The following TENM4 variants were observed in gnomAD, a reference collection of about 807,000 sequenced individuals.
The protein encoded by TENM4 is teneurin transmembrane protein 4.
In TENM4, 82 loss-of-function variants were observed where a neutral mutation model predicts 243.3. That is an observed-to-expected ratio of 0.34 (90% CI 0.28 to 0.40). TENM4 has a LOEUF of 0.40. Ranked by LOEUF, TENM4 falls within the 10% of genes least tolerant of loss-of-function variation. TENM4 has a pLI of 1.00. For missense variants in TENM4, 3,138 were observed against 3,673.3 expected, an observed-to-expected ratio of 0.85 and a Z score of 3.77; for synonymous variants, 1,412 against 1,456.3, an observed-to-expected ratio of 0.97 and a Z score of 0.69.
rs1199883938 is a variant in TENM4 at position 79,245,938 on chromosome 11, T to TAAAAAAAAAAAA, written c.-264-30041_-264-30030dup. On this transcript the variant is annotated intron_variant, in intron 2 of 33. Transcript: ENST00000278550. Reference sequence around the variant, plus strand: ...CTGAGTGACAGAGAAAGACTTTGTCTAAAAAAAAAAAAAAAAAAAAAAAAG... The same window carrying TAAAAAAAAAAAA: ...CTGAGTGACAGAGAAAGACTTTGTCTAAAAAAAAAAAAAAAAAAAAAAAAAAAAAAAAAAAAG... 2.2e-4 allele frequency among the ~76,000 whole-genome samples: 14 copies of TAAAAAAAAAAAA among 64,880 alleles called. 1 individual carries two copies. The highest frequency in any genetic ancestry group is 8.5e-4 in the East Asian group (2 of 2,342). The allele number at this position is 64,880 out of a possible 152,430, so 42.6% of individuals were successfully genotyped here. A position where few individuals can be genotyped will look rare whatever the true frequency, so the allele number is the denominator to read the frequency against.
chr11:78,881,362 C>T (rs1358350446), intron 9 of TENM4, among the ~76,000 whole-genome samples: 1 of 152,172 alleles, frequency 6.6e-6, no homozygotes, highest in African/African-American at 2.4e-5. Context: ...GGTTGGGTTC[C>T]ACCACCAGGA....
chr11:78,708,007 C>T (rs767285102), intron 27 of TENM4, among the ~76,000 whole-genome samples: 4 of 152,214 alleles, frequency 2.6e-5, no homozygotes, highest in South Asian at 4.1e-4. Context: ...AGAAAGAGAA[C>T]AGGCAATGTA....
At position 78,856,191 on chromosome 11, in the gene TENM4, A is replaced by C. The variant is rs113101966; in HGVS notation, c.1256-13T>G. 1 of 1,549,092 alleles carries C rather than the reference A, an allele frequency of 6.5e-7. No individual in the cohort carries two copies. The highest frequency in any genetic ancestry group is 1.4e-5 in the African/African-American group (1 of 73,068). ...CTACTGGGCTTTCCTACCAAGATAG[A>C]GGGAAGGGAAGACAAAGACATCTCG... On this transcript the variant is annotated splice_polypyrimidine_tract_variant and intron_variant, in intron 10 of 33. Transcript: ENST00000278550.
rs137860940 is a variant in TENM4, at chr11:79,242,884, A to C, written c.-264-26975T>G. 3.6e-3 allele frequency among the ~76,000 whole-genome samples: 547 copies of C among 152,256 alleles called. 12 individuals carry two copies. The highest frequency in any genetic ancestry group is 9.7e-4 in the East Asian group (5 of 5,174). ...CTTATTGCCAAACTTTAGTTCCCAA[A>C]TCTGCCCCTTCCACAGTGTGTGAGG... On this transcript the variant is annotated intron_variant, in intron 2 of 33. Transcript: ENST00000278550.
chr11:78,686,171 G>GGGTC (rs1214658919), intron 29 of TENM4, among the ~76,000 whole-genome samples: 40 of 152,134 alleles, frequency 2.6e-4, no homozygotes, highest in Admixed American at 2.6e-3. Context: ...AGGCCTTGCT[G>GGGTC]GGTCCGATCA....
At chr11:78,870,567 C>T (rs1440221348) in intron 9 of TENM4, among the ~76,000 whole-genome samples, 3 of 152,160 alleles carry the variant, frequency 2.0e-5, no homozygotes, top group African/African-American at 7.2e-5. Context: ...AAAAACTTGG[C>T]TGCAATAATC....
At chr11:78,924,581 A>G (rs1292185048) in intron 6 of TENM4, 1 of 152,182 alleles carries the variant, frequency 6.6e-6, no homozygotes, top group Non-Finnish European at 1.5e-5. Flanking sequence ...ATTAGACTGT[A>G]GTGAGTGTCA....
chr11:79,317,598 C>A lies in TENM4; in HGVS notation c.-320-20055G>T, dbSNP rs74897069. Among the ~76,000 whole-genome samples the A allele has an allele frequency of 3.5e-3, 526 of 152,118 alleles. 2 individuals carry two copies. Among genetic ancestry groups the A allele is most frequent in the African/African-American group, 0.012 (493 of 41,476 alleles). Reference sequence around the variant, plus strand: ...TATTACAATCCTTATTTTCAGAGATCGTAAAATGAAAGGTCAGAGAGGTTT... The same window carrying A: ...TATTACAATCCTTATTTTCAGAGATAGTAAAATGAAAGGTCAGAGAGGTTT... On this transcript the variant is annotated intron_variant, in intron 1 of 33. Transcript: ENST00000278550.
intron 20 of TENM4, among the ~76,000 whole-genome samples, chr11:78,733,235 G>C (rs753450844): frequency 1.3e-5 from 2 of 152,220 alleles, no homozygotes; most frequent in Non-Finnish European, 1.5e-5. Flanking sequence ...AGAAGACTGA[G>C]TGCCAGCCTC....
intron 6 of TENM4, among the ~76,000 whole-genome samples, chr11:78,961,840 C>A (rs1228723645): frequency 4.6e-5 from 7 of 151,830 alleles, no homozygotes; most frequent in African/African-American, 1.4e-4. Flanking sequence ...CCTGTCTGGG[C>A]CTTCACCTGA....
At chr11:79,090,695 A>G (rs770730992) in intron 4 of TENM4, among the ~76,000 whole-genome samples, 7 of 152,118 alleles carry the variant, frequency 4.6e-5, no homozygotes, top group Non-Finnish European at 1.0e-4. Context: ...GGCACTTAAG[A>G]GGTAAGAGGT....
chr11:78,976,590 T>C (rs1218183887), intron 6 of TENM4, among the ~76,000 whole-genome samples: 2 of 152,226 alleles, frequency 1.3e-5, no homozygotes, highest in Non-Finnish European at 2.9e-5. Context: ...TGAAACTTTT[T>C]TGGGGAAAGC....
At chr11:79,133,842 T>C (rs1327538019) in intron 4 of TENM4, among the ~76,000 whole-genome samples, 2 of 152,122 alleles carry the variant, frequency 1.3e-5, no homozygotes, top group Admixed American at 1.3e-4. Context: ...ACAAGGGAGA[T>C]ACCTCAATGT....
chr11:79,006,228 G>A (rs1013721368), intron 6 of TENM4, among the ~76,000 whole-genome samples: 2 of 151,930 alleles, frequency 1.3e-5, no homozygotes, highest in African/African-American at 4.8e-5. Context: ...CCCCTACTCA[G>A]TACCTCCCTT....
chr11:79,353,238 A>G (rs922315579), intron 1 of TENM4, among the ~76,000 whole-genome samples: 4 of 152,280 alleles, frequency 2.6e-5, no homozygotes, highest in South Asian at 2.1e-4. Flanking sequence ...TTGACATTCC[A>G]TGACCTTATG....
chr11:78,934,997 C>CTT (rs530062569), intron 6 of TENM4, among the ~76,000 whole-genome samples: 34,840 of 80,002 alleles, frequency 0.44, 10,885 homozygotes, highest in East Asian at 0.74. Flanking sequence ...AAGTATGCAA[C>CTT]TTTTTTTTTT....
chr11:78,940,078 T>C (rs1168036392), intron 6 of TENM4, among the ~76,000 whole-genome samples: 2 of 152,100 alleles, frequency 1.3e-5, no homozygotes, highest in Admixed American at 6.6e-5. Context: ...ACAACAGTAA[T>C]AACTGCTGTT....
chr11:78,658,337 T>C lies in TENM4; in HGVS notation c.8031A>G (p.Thr2677=). 1.9e-6 allele frequency: 3 copies of C among 1,613,744 alleles called. No individual in the cohort carries two copies. The highest frequency in any genetic ancestry group is 2.2e-5 in the East Asian group (1 of 44,882). Residue 2677 remains threonine (T), a synonymous_variant, in exon 34 of 34, where the codon ACA becomes ACG. Coordinates refer to ENST00000278550, the MANE Select transcript of TENM4 (RefSeq NM_001098816.3). The part of the protein sequence containing the change: ...QLQYGALCLN[T]RYGTTLDEEK... The stretch of plus-strand genomic sequence containing the variant: ...CCTCATCCAACGTTGTCCCGTAGCG[T>C]GTGTTCAAGCACAGTGCCCCGTACT...
intron 6 of TENM4, among the ~76,000 whole-genome samples, chr11:79,023,418 CG>C (rs1858986893): frequency 6.6e-6 from 1 of 151,856 alleles, no homozygotes; most frequent in Non-Finnish European, 1.5e-5. Flanking sequence ...AAAAATTAGC[CG>C]GGCGCAGTGG....
Sources: gnomAD v4.1 joint callset for allele counts (sites outside exome capture counted in the v4.1 genomes callset) on GRCh38, gnomAD v4.1.1 for gene constraint, MANE v1.5 for transcripts, NCBI Gene and HGNC (gene_info 2026-07-23, HGNC 2026-07-21) for gene names.